TTC28: variants seen among roughly 807,000 people sequenced by gnomAD.
TTC28 encodes the protein tetratricopeptide repeat protein 28.
Under a neutral mutation model 198.0 loss-of-function variants are expected in TTC28, and 61 were observed. That is an observed-to-expected ratio of 0.31 (90% CI 0.25 to 0.38). The LOEUF is 0.38. Among genes scored for constraint, TTC28 ranks in the 10% least tolerant of loss-of-function variants. The probability of loss-of-function intolerance (pLI) is 1.00; values close to 1 mark genes in which losing one functional copy is unlikely to be tolerated. For synonymous variants in TTC28, 1,171 were observed against 1,297.8 expected (o/e 0.90, Z 2.10); for missense variants, 2,678 against 3,164.0 (o/e 0.85, Z 3.69).
intron 2 of TTC28, among the ~76,000 whole-genome samples, chr22:28,571,068 T>C (rs1473644711): frequency 1.3e-5 from 2 of 152,204 alleles, no homozygotes; most frequent in Admixed American, 6.5e-5. Context: ...CACAAAATGA[T>C]AGTATGTTTA....
chr22:28,033,068 G>C (rs898068736), intron 12 of TTC28, among the ~76,000 whole-genome samples: 1 of 152,182 alleles, frequency 6.6e-6, no homozygotes, highest in Non-Finnish European at 1.5e-5. Flanking sequence ...GCTTGGAGCT[G>C]AGAAATCGGC....
chr22:28,301,076 T>TAAATTTA (rs2045012532), intron 3 of TTC28, among the ~76,000 whole-genome samples: 2 of 152,220 alleles, frequency 1.3e-5, no homozygotes, highest in Non-Finnish European at 2.9e-5. Context: ...TTTTTTACTA[T>TAAATTTA]CAAATTTCTC....
At chr22:28,201,525 G>A (rs2147154225) in intron 5 of TTC28, among the ~76,000 whole-genome samples, 1 of 152,120 alleles carries the variant, frequency 6.6e-6, no homozygotes, top group Middle Eastern at 3.4e-3. Flanking sequence ...AGGACAAGAA[G>A]CAAGAGATAA....
At chr22:28,616,715 C>G (rs758745104) in intron 2 of TTC28, among the ~76,000 whole-genome samples, 40 of 152,006 alleles carry the variant, frequency 2.6e-4, no homozygotes, top group Non-Finnish European at 4.9e-4. Context: ...GTCGTAGTGG[C>G]ATGCGCCTGC....
intron 2 of TTC28, among the ~76,000 whole-genome samples, chr22:28,620,514 T>G (rs1211769640): frequency 1.3e-5 from 2 of 152,162 alleles, no homozygotes; most frequent in Non-Finnish European, 2.9e-5. Context: ...GAGCTTTCAA[T>G]GGAAATTTTA....
At chr22:28,322,420 T>C (rs917820750) in intron 2 of TTC28, among the ~76,000 whole-genome samples, 2 of 152,190 alleles carry the variant, frequency 1.3e-5, no homozygotes, top group African/African-American at 4.8e-5. Flanking sequence ...GAACAGAAGA[T>C]AACAAATATA....
chr22:28,584,460 C>A (rs1217195531), intron 2 of TTC28, among the ~76,000 whole-genome samples: 4 of 152,106 alleles, frequency 2.6e-5, no homozygotes, highest in Non-Finnish European at 5.9e-5. Context: ...TTTTTGATAT[C>A]TTGGATCCAT....
intron 12 of TTC28, among the ~76,000 whole-genome samples, chr22:28,089,530 G>C (rs957795926): frequency 6.6e-6 from 1 of 151,080 alleles, no homozygotes; most frequent in Non-Finnish European, 1.5e-5. Flanking sequence ...GGGGGGATGG[G>C]GGAGGGATAG....
chr22:28,354,305 T>C lies in TTC28; in HGVS notation c.382-47662A>G, dbSNP rs149998818. On this transcript the variant is annotated intron_variant, in intron 2 of 22. Coordinates refer to ENST00000397906, the MANE Select transcript of TTC28 (RefSeq NM_001145418.2). ...ATCCATCATCAAATACATAGATGAA[T>C]ACAATGTGGTATGTACATACAATGA... Among the ~76,000 whole-genome samples, 25 of 152,282 alleles carry C rather than the reference T, an allele frequency of 1.6e-4. No homozygotes were observed. The East Asian group carries it at 4.8e-3, about 29-fold the overall frequency.
chr22:28,390,289 G>T (rs1053956237), intron 2 of TTC28, among the ~76,000 whole-genome samples: 26 of 152,058 alleles, frequency 1.7e-4, no homozygotes, highest in Admixed American at 3.3e-4. Flanking sequence ...GGAACAGGTG[G>T]GGTGTGGTGC....
chr22:28,313,207 G>A (rs2045296302), intron 2 of TTC28, among the ~76,000 whole-genome samples: 2 of 152,192 alleles, frequency 1.3e-5, no homozygotes, highest in Non-Finnish European at 2.9e-5. Flanking sequence ...TTCTGAAATT[G>A]AGGCAATAAC....
intron 2 of TTC28, among the ~76,000 whole-genome samples, chr22:28,388,505 TC>T (rs1043065003): frequency 2.0e-5 from 3 of 152,222 alleles, no homozygotes; most frequent in African/African-American, 7.2e-5. Context: ...TTTGTTTGTA[TC>T]CTCTTTTATT....
intron 2 of TTC28, among the ~76,000 whole-genome samples, chr22:28,334,381 T>C (rs1372285649): frequency 1.3e-5 from 2 of 152,222 alleles, no homozygotes; most frequent in South Asian, 2.1e-4. Context: ...ATGGGATGGC[T>C]GGGTCAAACG....
In TTC28 at chr22:28,258,244, T is replaced by C. The variant is rs532417074; in HGVS notation, c.933+37954A>G. Among the ~76,000 whole-genome samples the C allele has an allele frequency of 5.5e-4, 84 of 152,166 alleles. 1 individual carries two copies. Among genetic ancestry groups the C allele is most frequent in the Non-Finnish European group, 1.1e-3 (77 of 68,010 alleles). ...GGTCACACAATGGAATTTCATGTTA[T>C]ATAAGGAATCCTGTTAGGATCTTCA... On this transcript the variant is annotated intron_variant, in intron 5 of 22. Coordinates refer to ENST00000397906, the MANE Select transcript of TTC28 (RefSeq NM_001145418.2).
At chr22:28,126,238 A>G (rs1219132770) in intron 6 of TTC28, among the ~76,000 whole-genome samples, 1 of 152,226 alleles carries the variant, frequency 6.6e-6, no homozygotes, top group Admixed American at 6.5e-5. Context: ...GAATTGTTTA[A>G]TTACTGGGCT....
chr22:28,004,823 G>C (rs141682169), intron 14 of TTC28, among the ~76,000 whole-genome samples: 403 of 152,328 alleles, frequency 2.6e-3, no homozygotes, highest in African/African-American at 8.7e-3. Flanking sequence ...ACGTGAACTT[G>C]AAAAGGGGAA....
chr22:28,648,215 C>G (rs2051505149), intron 1 of TTC28, among the ~76,000 whole-genome samples: 1 of 135,228 alleles, frequency 7.4e-6, no homozygotes, highest in Non-Finnish European at 1.5e-5. Flanking sequence ...CCAAACGAGA[C>G]TCTGTCAAAA....
intron 12 of TTC28, among the ~76,000 whole-genome samples, chr22:28,078,379 A>G (rs923836356): frequency 1.3e-5 from 2 of 152,178 alleles, no homozygotes; most frequent in African/African-American, 4.8e-5. Context: ...TCTGGTGACT[A>G]AATTTCAAAC....
intron 1 of TTC28, among the ~76,000 whole-genome samples, chr22:28,653,914 T>G (rs1273992092): frequency 6.6e-6 from 1 of 152,230 alleles, no homozygotes; most frequent in African/African-American, 2.4e-5. Context: ...AAGAAGACAC[T>G]TAAGTCTTCT....
Sources: allele counts gnomAD v4.1 joint callset (sites outside exome capture counted in the v4.1 genomes callset), GRCh38; gene constraint gnomAD v4.1.1; transcripts MANE v1.5; gene names NCBI Gene and HGNC (gene_info 2026-07-23, HGNC 2026-07-21).